STEAP3: variants seen among roughly 807,000 people sequenced by gnomAD.
STEAP3 encodes STEAP3 metalloreductase, also known as metalloreductase STEAP3.
In STEAP3, 35 loss-of-function variants were observed where a neutral mutation model predicts 34.9. The observed-to-expected ratio is 1.00, with a 90% CI of 0.76 to 1.33. The LOEUF is 1.33. STEAP3 is among the 40% of genes most tolerant of loss of function. The pLI, the probability that STEAP3 is intolerant of heterozygous loss-of-function variation, is 0.00. For synonymous variants in STEAP3, 281 were observed against 301.6 expected (o/e 0.93, Z 0.71); for missense variants, 652 against 667.6 (o/e 0.98, Z 0.26).
At chr2:119,243,650 T>C (rs1462990015) in intron 2 of STEAP3, among the ~76,000 whole-genome samples, 1 of 152,200 alleles carries the variant, frequency 6.6e-6, no homozygotes, top group African/African-American at 2.4e-5. Flanking sequence ...TGCTGCCTTA[T>C]AAAAGGAAAA....
intron 4 of STEAP3, chr2:119,248,559 T>C (rs1052837867): frequency 4.2e-6 from 1 of 237,706 alleles, no homozygotes; most frequent in African/African-American, 2.2e-5. Context: ...CCAGGAGGAC[T>C]TGCAGAGTGA....
intron 4 of STEAP3, among the ~76,000 whole-genome samples, chr2:119,251,606 C>T (rs745652133): frequency 3.6e-4 from 55 of 152,196 alleles, no homozygotes; most frequent in Non-Finnish European, 6.6e-4. Flanking sequence ...ACAGGATGGT[C>T]TGAAACTCTC....
chr2:119,256,006 G>A (rs984788516), intron 5 of STEAP3, among the ~76,000 whole-genome samples: 9 of 152,138 alleles, frequency 5.9e-5, no homozygotes, highest in South Asian at 2.1e-4. Context: ...CAGTGTTGGC[G>A]GATTAACTCC....
intron 4 of STEAP3, among the ~76,000 whole-genome samples, chr2:119,251,438 A>G (rs1677623277): frequency 6.6e-6 from 1 of 152,218 alleles, no homozygotes; most frequent in Admixed American, 6.5e-5. Flanking sequence ...TGTACAGGGC[A>G]TTTGGATTTG....
intron 4 of STEAP3, among the ~76,000 whole-genome samples, chr2:119,252,222 G>A (rs745562117): frequency 4.6e-5 from 7 of 152,196 alleles, no homozygotes; most frequent in Non-Finnish European, 8.8e-5. Context: ...TTCCACAAAC[G>A]TAATGCTTTT....
At chr2:119,250,055 C>T (rs950179415) in intron 4 of STEAP3, among the ~76,000 whole-genome samples, 2 of 152,196 alleles carry the variant, frequency 1.3e-5, no homozygotes, top group African/African-American at 4.8e-5. Context: ...GGTCAAGTAA[C>T]TTGGCCAAAG....
intron 2 of STEAP3, among the ~76,000 whole-genome samples, chr2:119,240,019 A>G (rs1677201051): frequency 6.6e-6 from 1 of 151,022 alleles, no homozygotes. Flanking sequence ...TACTGACCAG[A>G]CAAAAAAAAT....
At chr2:119,247,646 ACG>A in intron 3 of STEAP3, 31 bp from the exon 4 acceptor site, 10 of 1,504,398 alleles carry the variant, frequency 6.6e-6, no homozygotes, top group Non-Finnish European at 8.8e-6. Context: ...GTGGCCTGTG[ACG>A]CCGTCTGACT....
intron 1 of STEAP3, among the ~76,000 whole-genome samples, chr2:119,226,568 G>A (rs982123419): frequency 1.3e-5 from 2 of 152,130 alleles, no homozygotes; most frequent in Non-Finnish European, 2.9e-5. Flanking sequence ...AACTTGGAGA[G>A]GAGAGGGGCA....
Position 119,247,801 on chromosome 2 carries a change from C to G in STEAP3, c.645C>G (p.Pro215=), listed in dbSNP as rs140126918. 818 of 1,611,490 alleles carry G rather than the reference C, an allele frequency of 5.1e-4. 7 individuals carry two copies. The African/African-American group carries it at 9.6e-3, about 19-fold the overall frequency. Residue 215 remains proline (P), a synonymous_variant, in exon 4 of 6, where the codon CCC becomes CCG. Coordinates refer to ENST00000393110, the MANE Select transcript of STEAP3 (RefSeq NM_182915.3). ...CAGCCTGGGAGGTGGAGGCCATGCC[C>G]CTGCGCCTCCTCCCGGCCTGGAAGG... ...LASAWEVEAM[P]LRLLPAWKVP... is the part of the protein sequence containing the mutation.
intron 4 of STEAP3, among the ~76,000 whole-genome samples, chr2:119,254,369 G>A (rs1001011443): frequency 7.2e-5 from 11 of 152,096 alleles, no homozygotes; most frequent in Admixed American, 3.3e-4. Flanking sequence ...CAGGAGCCCC[G>A]GTCATTGGCA....
chr2:119,235,979 T>C (rs371574636), intron 2 of STEAP3, among the ~76,000 whole-genome samples: 7 of 152,200 alleles, frequency 4.6e-5, no homozygotes, highest in African/African-American at 1.7e-4. Flanking sequence ...CCCCAGATCT[T>C]CTGCTCTGCT....
At chr2:119,233,660 T>C (rs1677008300) in intron 2 of STEAP3, among the ~76,000 whole-genome samples, 1 of 152,194 alleles carries the variant, frequency 6.6e-6, no homozygotes. Context: ...ATGAGTTTTT[T>C]ATTGGCCCCC....
intron 5 of STEAP3, among the ~76,000 whole-genome samples, chr2:119,261,665 C>T (rs1201949534): frequency 2.0e-5 from 3 of 152,164 alleles, no homozygotes; most frequent in Non-Finnish European, 2.9e-5. Context: ...TTGATTAAGT[C>T]GCCTGCCCAG....
chr2:119,237,021 T>C (rs1249024486), intron 2 of STEAP3, among the ~76,000 whole-genome samples: 1 of 152,208 alleles, frequency 6.6e-6, no homozygotes, highest in East Asian at 1.9e-4. Flanking sequence ...ACCTCAATTA[T>C]GTGGAAAACA....
intron 1 of STEAP3, among the ~76,000 whole-genome samples, chr2:119,229,486 C>T (rs1342267237): frequency 6.6e-6 from 1 of 152,140 alleles, no homozygotes. Flanking sequence ...CAAGAACAGT[C>T]CTAAGGAAGA....
chr2:119,248,268 C>CA (rs1677513233), intron 4 of STEAP3, 62 bp downstream of exon 4: 2 of 1,494,766 alleles, frequency 1.3e-6, no homozygotes, highest in African/African-American at 1.4e-5. Flanking sequence ...AGCACCTCCC[C>CA]CCCCCACCAA....
chr2:119,261,920 C>G (rs533452850), intron 5 of STEAP3, among the ~76,000 whole-genome samples: 23 of 152,320 alleles, frequency 1.5e-4, no homozygotes, highest in African/African-American at 5.3e-4. Flanking sequence ...TGGCCGGGAC[C>G]ATTTCCATTT....
intron 4 of STEAP3, among the ~76,000 whole-genome samples, chr2:119,251,550 G>A (rs1242415792): frequency 1.3e-5 from 2 of 152,012 alleles, no homozygotes; most frequent in Admixed American, 6.6e-5. Context: ...CCTTCACCCC[G>A]TTCTCCTATT....
Sources: gnomAD v4.1 joint callset for allele counts (sites outside exome capture counted in the v4.1 genomes callset) on GRCh38, gnomAD v4.1.1 for gene constraint, MANE v1.5 for transcripts, NCBI Gene and HGNC (gene_info 2026-07-23, HGNC 2026-07-21) for gene names.